MLIP: variants seen among roughly 807,000 people sequenced by gnomAD.
MLIP encodes muscular LMNA-interacting protein.
Under a neutral mutation model 84.8 loss-of-function variants are expected in MLIP, and 79 were observed. The ratio of observed to expected loss-of-function variants is 0.93; its 90% CI spans 0.78 to 1.12. The LOEUF (loss-of-function observed/expected upper bound fraction) is 1.12. Among genes scored for constraint, MLIP ranks in the 50% most tolerant of loss-of-function variants. The pLI, the probability that MLIP is intolerant of heterozygous loss-of-function variation, is 0.00. For missense variants in MLIP, 1,257 were observed against 1,160.6 expected, an observed-to-expected ratio of 1.08 and a Z score of -1.21; for synonymous variants, 504 against 463.0, an observed-to-expected ratio of 1.09 and a Z score of -1.14.
At chr6:54,218,052 C>T in intron 11 of MLIP, 5 of 931,914 alleles carry the variant, frequency 5.4e-6, no homozygotes, top group Non-Finnish European at 5.1e-6. Flanking sequence ...CCTGGCTCAC[C>T]AGTGTTTTTA....
chr6:54,088,518 A>G (rs1767646227), intron 1 of MLIP, among the ~76,000 whole-genome samples: 1 of 152,160 alleles, frequency 6.6e-6, no homozygotes, highest in Non-Finnish European at 1.5e-5. Flanking sequence ...ACTTTTAATT[A>G]CAGAGGGGTC....
chr6:54,252,748 C>G (rs1782727960), intron 12 of MLIP, among the ~76,000 whole-genome samples: 1 of 151,650 alleles, frequency 6.6e-6, no homozygotes, highest in South Asian at 2.1e-4. Flanking sequence ...GATCTTTGAA[C>G]AGTTCAAGAG....
rs190550845 is a variant in MLIP, at chr6:54,021,025, A to G, written c.63+1934A>G. ...GTTTTGCCTATGCTTAGTATTTTCT[A>G]TTTAAGAGAGTTGGAAAATCTATAT... On this transcript the variant is annotated intron_variant, in intron 1 of 12. Transcript: ENST00000274897. Among the ~76,000 whole-genome samples the G allele has an allele frequency of 2.3e-3, 355 of 152,304 alleles. 1 individual carries two copies. The highest frequency in any genetic ancestry group is 3.4e-3 in the Non-Finnish European group (232 of 68,022).
chr6:54,038,436 T>C (rs1764564584), intron 1 of MLIP, among the ~76,000 whole-genome samples: 1 of 151,920 alleles, frequency 6.6e-6, no homozygotes, highest in African/African-American at 2.4e-5. Flanking sequence ...ATTTCTTTAA[T>C]AGAATAATTT....
chr6:54,169,448 G>A (rs1775545685), intron 8 of MLIP, 80 bp from the exon 9 acceptor site: 1 of 886,390 alleles, frequency 1.1e-6, no homozygotes, highest in African/African-American at 1.8e-5. Flanking sequence ...TTGAGAAGAA[G>A]GTGAACACAT....
chr6:54,119,445 A>C (rs190255770), intron 1 of MLIP, among the ~76,000 whole-genome samples: 34 of 152,344 alleles, frequency 2.2e-4, no homozygotes, highest in Non-Finnish European at 4.4e-5. Flanking sequence ...TAGAAAGACA[A>C]ATACTGCATG....
At chr6:54,258,681 C>A (rs1783184406) in intron 13 of MLIP, among the ~76,000 whole-genome samples, 1 of 151,996 alleles carries the variant, frequency 6.6e-6, no homozygotes, top group South Asian at 2.1e-4. Flanking sequence ...GGTTACTATA[C>A]ATTAGAAACA....
chr6:54,218,896 CTT>C (rs562706037), intron 11 of MLIP, among the ~76,000 whole-genome samples: 99 of 151,680 alleles, frequency 6.5e-4, no homozygotes, highest in African/African-American at 2.0e-3. Flanking sequence ...CTTTTTGACT[CTT>C]ATAATAAACA....
At chr6:54,040,578 A>G (rs1040328049) in intron 1 of MLIP, among the ~76,000 whole-genome samples, 1 of 152,120 alleles carries the variant, frequency 6.6e-6, no homozygotes, top group Non-Finnish European at 1.5e-5. Context: ...AATGCAAAGG[A>G]AAATAGATTG....
intron 3 of MLIP, among the ~76,000 whole-genome samples, chr6:54,135,051 AT>A (rs1348152742): frequency 6.6e-6 from 1 of 152,094 alleles, no homozygotes; most frequent in Non-Finnish European, 1.5e-5. Flanking sequence ...TTAATTATGT[AT>A]TTAACTAAAA....
At chr6:54,150,255 T>G (rs1034029724) in intron 5 of MLIP, among the ~76,000 whole-genome samples, 8 of 152,192 alleles carry the variant, frequency 5.3e-5, no homozygotes, top group African/African-American at 1.9e-4. Context: ...TGCTTTGAAC[T>G]GGAGGTTCAC....
intron 5 of MLIP, among the ~76,000 whole-genome samples, chr6:54,159,108 T>C (rs1177366957): frequency 6.6e-6 from 1 of 152,028 alleles, no homozygotes; most frequent in Non-Finnish European, 1.5e-5. Flanking sequence ...AGATGGGATC[T>C]CACTGTGTTG....
At chr6:54,078,575 C>A (rs1766944639) in intron 1 of MLIP, among the ~76,000 whole-genome samples, 1 of 152,016 alleles carries the variant, frequency 6.6e-6, no homozygotes, top group African/African-American at 2.4e-5. Flanking sequence ...CAGAGAGAGA[C>A]CCTGTCTCTA....
intron 1 of MLIP, among the ~76,000 whole-genome samples, chr6:54,044,160 G>C (rs1250472009): frequency 1.3e-5 from 2 of 152,122 alleles, no homozygotes; most frequent in African/African-American, 2.4e-5. Flanking sequence ...GTAAACAGTC[G>C]GGTCATCTAA....
At chr6:54,208,566 A>G (rs1779202099) in intron 11 of MLIP, among the ~76,000 whole-genome samples, 1 of 152,234 alleles carries the variant, frequency 6.6e-6, no homozygotes, top group African/African-American at 2.4e-5. Context: ...AGCCTGAGCA[A>G]CAAAACAAGA....
intron 1 of MLIP, among the ~76,000 whole-genome samples, chr6:54,052,357 C>T (rs766197098): frequency 1.3e-5 from 2 of 152,116 alleles, no homozygotes; most frequent in Non-Finnish European, 2.9e-5. Context: ...CAGAAGGAAA[C>T]TTTTAAGTTC....
intron 1 of MLIP, among the ~76,000 whole-genome samples, chr6:54,061,661 C>T (rs967358018): frequency 2.6e-5 from 4 of 152,070 alleles, no homozygotes; most frequent in Admixed American, 1.3e-4. Context: ...TTAAACACTG[C>T]GCTAGTGTTG....
chr6:54,145,557 A>G (rs1044591128), intron 4 of MLIP, among the ~76,000 whole-genome samples: 2 of 152,028 alleles, frequency 1.3e-5, no homozygotes, highest in East Asian at 3.9e-4. Flanking sequence ...GGAGGCCTTA[A>G]ACCTAAGAAT....
intron 11 of MLIP, among the ~76,000 whole-genome samples, chr6:54,219,451 T>C (rs537685571): frequency 2.8e-5 from 4 of 145,344 alleles, no homozygotes; most frequent in Admixed American, 2.1e-4. Flanking sequence ...CACTCTGCAA[T>C]AGGAATTTTT....
Sources: gnomAD v4.1 joint callset for allele counts (sites outside exome capture counted in the v4.1 genomes callset) on GRCh38, gnomAD v4.1.1 for gene constraint, MANE v1.5 for transcripts, NCBI Gene and HGNC (gene_info 2026-07-23, HGNC 2026-07-21) for gene names.